CTNNA3: variants seen among roughly 807,000 people sequenced by gnomAD.
CTNNA3 encodes the protein catenin alpha 3.
In CTNNA3, 76 loss-of-function variants were observed where a neutral mutation model predicts 95.7. The ratio of observed to expected loss-of-function variants is 0.79; its 90% CI spans 0.66 to 0.96. The LOEUF (loss-of-function observed/expected upper bound fraction) is 0.96. Ranked by LOEUF, CTNNA3 falls within the 40% of genes least tolerant of loss-of-function variation. CTNNA3 has a pLI of 0.00. For synonymous variants in CTNNA3, 431 were observed against 374.4 expected (o/e 1.15, Z -1.74); for missense variants, 1,191 against 1,089.8 (o/e 1.09, Z -1.31).
chr10:67,312,350 C>T (rs1042129780), intron 5 of CTNNA3, among the ~76,000 whole-genome samples: 2 of 152,082 alleles, frequency 1.3e-5, no homozygotes, highest in East Asian at 3.9e-4. Context: ...AGATTATAGG[C>T]ATGAGCCACT....
chr10:67,433,449 G>A (rs1330978815), intron 5 of CTNNA3, among the ~76,000 whole-genome samples: 2 of 152,060 alleles, frequency 1.3e-5, no homozygotes, highest in Non-Finnish European at 2.9e-5. Context: ...GACACAGACA[G>A]GAAGTGACCA....
At chr10:66,949,465 G>C (rs1222744440) in intron 7 of CTNNA3, among the ~76,000 whole-genome samples, 1 of 152,022 alleles carries the variant, frequency 6.6e-6, no homozygotes, top group African/African-American at 2.4e-5. Flanking sequence ...GGCTGAGGCA[G>C]GAGAATTGCT....
At chr10:67,239,592 T>C (rs1375167862) in intron 5 of CTNNA3, among the ~76,000 whole-genome samples, 3 of 152,148 alleles carry the variant, frequency 2.0e-5, no homozygotes, top group Non-Finnish European at 2.9e-5. Flanking sequence ...TTTGGAAAAA[T>C]TCATTGAACT....
intron 7 of CTNNA3, among the ~76,000 whole-genome samples, chr10:66,823,721 T>G (rs1055861263): frequency 1.3e-5 from 2 of 152,260 alleles, no homozygotes; most frequent in African/African-American, 4.8e-5. Flanking sequence ...GGACACTTTA[T>G]ATGCTTTATC....
chr10:66,845,731 T>TAAAAAAAAAA (rs1304034179), intron 7 of CTNNA3, among the ~76,000 whole-genome samples: 13 of 35,898 alleles, frequency 3.6e-4, no homozygotes, highest in East Asian at 5.5e-4. Flanking sequence ...AAAAAAAAAC[T>TAAAAAAAAAA]AAAAAGGTGA....
rs181540544 is a variant in CTNNA3 at position 66,092,372 on chromosome 10, C to T, written c.1977+10785G>A. Among the ~76,000 whole-genome samples the T allele has an allele frequency of 1.6e-4, 25 of 152,068 alleles. No individual in the cohort carries two copies. In the East Asian group the frequency reaches 3.7e-3, roughly 22 times the overall value. On this transcript the variant is annotated intron_variant, in intron 14 of 17. Transcript: ENST00000433211. Reference sequence around the variant, plus strand: ...TGATTCTTCTGGCTTCAAACCCCTCCAATGGCTTCTCATTCTACTCAAAGT... The same window carrying T: ...TGATTCTTCTGGCTTCAAACCCCTCTAATGGCTTCTCATTCTACTCAAAGT...
chr10:66,252,398 A>G (rs915626290), intron 13 of CTNNA3, among the ~76,000 whole-genome samples: 1 of 152,148 alleles, frequency 6.6e-6, no homozygotes, highest in Non-Finnish European at 1.5e-5. Flanking sequence ...TTTTAATTTC[A>G]GAGCCAGACA....
At chr10:67,089,715 A>G (rs139051451) in intron 7 of CTNNA3, among the ~76,000 whole-genome samples, 3 of 93,264 alleles carry the variant, frequency 3.2e-5, no homozygotes, top group Non-Finnish European at 6.9e-5. Flanking sequence ...GTGTATATAC[A>G]TATGTGTGTG....
intron 6 of CTNNA3, among the ~76,000 whole-genome samples, chr10:67,207,938 C>A (rs1411707862): frequency 3.9e-5 from 6 of 152,092 alleles, no homozygotes; most frequent in African/African-American, 1.4e-4. Flanking sequence ...CAAAGTGATT[C>A]TTGTGCAAGT....
intron 9 of CTNNA3, among the ~76,000 whole-genome samples, chr10:66,643,018 C>T (rs1400709156): frequency 6.6e-6 from 1 of 152,014 alleles, no homozygotes; most frequent in African/African-American, 2.4e-5. Flanking sequence ...CATAGATACA[C>T]ATATATAGAT....
intron 5 of CTNNA3, among the ~76,000 whole-genome samples, chr10:67,461,103 A>T (rs72806676): frequency 6.6e-6 from 1 of 152,310 alleles, no homozygotes; most frequent in Non-Finnish European, 1.5e-5. Flanking sequence ...AAAAGAGGCA[A>T]GTTCTTCCTA....
intron 13 of CTNNA3, among the ~76,000 whole-genome samples, chr10:66,147,297 A>G (rs970742450): frequency 6.6e-6 from 1 of 152,136 alleles, no homozygotes; most frequent in Non-Finnish European, 1.5e-5. Flanking sequence ...TTTTTTAAAA[A>G]AAGTTTCTAT....
chr10:67,617,766 C>CTT (rs60151492), intron 2 of CTNNA3, among the ~76,000 whole-genome samples: 118 of 138,318 alleles, frequency 8.5e-4, no homozygotes, highest in African/African-American at 2.9e-3. Context: ...CCAGCATCTG[C>CTT]TTTTTTTTTT....
chr10:66,189,540 T>C (rs1311556705), intron 13 of CTNNA3, among the ~76,000 whole-genome samples: 2 of 150,564 alleles, frequency 1.3e-5, no homozygotes, highest in African/African-American at 4.9e-5. Flanking sequence ...TTCTATTATG[T>C]TCTGTTGCTC....
At chr10:67,222,832 T>C (rs1483928598) in intron 5 of CTNNA3, among the ~76,000 whole-genome samples, 1 of 152,242 alleles carries the variant, frequency 6.6e-6, no homozygotes, top group Non-Finnish European at 1.5e-5. Context: ...TGTCAAGGTT[T>C]AGTTTGTTTC....
intron 7 of CTNNA3, among the ~76,000 whole-genome samples, chr10:67,000,134 C>A (rs912149510): frequency 6.6e-6 from 1 of 152,118 alleles, no homozygotes; most frequent in Non-Finnish European, 1.5e-5. Flanking sequence ...AAATATAGGG[C>A]CTTCCAGATG....
At chr10:66,299,798 G>T (rs961986454) in intron 12 of CTNNA3, among the ~76,000 whole-genome samples, 2 of 152,040 alleles carry the variant, frequency 1.3e-5, no homozygotes, top group African/African-American at 4.8e-5. Flanking sequence ...CTTACTAAAA[G>T]GCCCACAGTA....
intron 5 of CTNNA3, among the ~76,000 whole-genome samples, chr10:67,481,239 ACTACTCATCTTCAGCATAGT>A (rs1848213370): frequency 6.6e-6 from 1 of 152,214 alleles, no homozygotes; most frequent in African/African-American, 2.4e-5. Context: ...GCCCACTCTC[ACTACTCATCTTCAGCATAGT>A]ACTGGAAGTT....
intron 3 of CTNNA3, among the ~76,000 whole-genome samples, chr10:67,575,677 G>A (rs188240484): frequency 1.0e-3 from 157 of 152,232 alleles, no homozygotes; most frequent in African/African-American, 3.7e-3. Context: ...ATTCTAGTGG[G>A]CAGAGTGACT....
Sources: allele counts gnomAD v4.1 joint callset (sites outside exome capture counted in the v4.1 genomes callset), GRCh38; gene constraint gnomAD v4.1.1; transcripts MANE v1.5; gene names NCBI Gene and HGNC (gene_info 2026-07-23, HGNC 2026-07-21).